The following FBF1 variants were observed in gnomAD, a reference collection of about 807,000 sequenced individuals.
FBF1 encodes the protein Fas binding factor 1.
Under a neutral mutation model 147.2 loss-of-function variants are expected in FBF1, and 119 were observed. That is an observed-to-expected ratio of 0.81 (90% confidence interval 0.70 to 0.94). The LOEUF (loss-of-function observed/expected upper bound fraction) is 0.94, where lower values mean the gene tolerates loss of function less well. Among genes scored for constraint, FBF1 ranks in the 40% least tolerant of loss-of-function variants. The pLI, the probability that FBF1 is intolerant of heterozygous loss-of-function variation, is 0.00. For synonymous variants in FBF1, 601 were observed against 609.0 expected, an observed-to-expected ratio of 0.99 and a Z score of 0.19; for missense variants, 1,449 against 1,500.8, an observed-to-expected ratio of 0.97 and a Z score of 0.57.
intron 25 of FBF1, 45 bp from the exon 26 acceptor site, chr17:75,914,343 C>CAGACTCA: frequency 6.4e-7 from 1 of 1,555,632 alleles, no homozygotes. Context: ...CCAGGAATTG[C>CAGACTCA]GCTGCACTCT....
chr17:75,937,485 A>G (rs2065632147), intron 3 of FBF1, 81 bp downstream of exon 3: 5 of 1,549,604 alleles, frequency 3.2e-6, no homozygotes, highest in Non-Finnish European at 4.5e-6. Context: ...ACATTTAAAT[A>G]AACACATCTC....
At chr17:75,938,974 T>C (rs139120552) in intron 1 of FBF1, among the ~76,000 whole-genome samples, 118 of 151,922 alleles carry the variant, frequency 7.8e-4, no homozygotes, top group Non-Finnish European at 1.3e-3. Context: ...AAAAATTCCT[T>C]ATAGGGGATG....
intron 4 of FBF1, among the ~76,000 whole-genome samples, chr17:75,934,186 A>G (rs1396001099): frequency 6.6e-6 from 1 of 152,264 alleles, no homozygotes; most frequent in Non-Finnish European, 1.5e-5. Flanking sequence ...TATCTACACA[A>G]TGGAACATTA....
chr17:75,912,274 C>A lies in FBF1; in HGVS notation c.3281G>T (p.Cys1094Phe). 2 of 1,608,910 alleles carry A rather than the reference C, an allele frequency of 1.2e-6. No homozygotes were observed. The highest frequency in any genetic ancestry group is 1.7e-6 in the Non-Finnish European group (2 of 1,178,040). Residue 1094 changes from cysteine to phenylalanine, a missense_variant, in exon 29 of 30, where the codon TGC becomes TTC. By Grantham distance (205) the Cys-to-Phe change is radical (BLOSUM62 -2). Coordinates refer to ENST00000636174, the MANE Select transcript of FBF1 (RefSeq NM_001319193.2). ...GTCCAGGCCAGTTGGCGGCTGGCTG[C>A]ACCAACGGGTGGTGGGAGCAGGAGG... is the stretch of plus-strand genomic sequence containing the variant. Reference protein sequence around the residue: ...LMPPAPTTRWCSQPPTGLDPS... With the variant: ...LMPPAPTTRWFSQPPTGLDPS...
intron 29 of FBF1, among the ~76,000 whole-genome samples, chr17:75,911,392 C>T (rs2065455992): frequency 6.6e-6 from 1 of 152,132 alleles, no homozygotes; most frequent in Non-Finnish European, 1.5e-5. Context: ...GCTCTGTCAC[C>T]CAAGCTGAAG....
chr17:75,927,552 AG>A lies in FBF1; in HGVS notation c.398-21del, dbSNP rs1372775305. The stretch of plus-strand genomic sequence containing the variant: ...CACCCCCTGCAGGAAGCAGAAGACA[AG>A]GTCATGGGCCTGAGTCTCTCCTGGC... On this transcript the variant is annotated intron_variant, in intron 8 of 29. Transcript: ENST00000636174. 3 of 1,584,846 alleles carry A rather than the reference AG, an allele frequency of 1.9e-6. No individual in the cohort carries two copies. Among genetic ancestry groups the A allele is most frequent in the Admixed American group, 1.8e-5 (1 of 55,520 alleles).
rs1046193867 is a variant in FBF1 at position 75,921,979 on chromosome 17, G to T, written c.1492C>A (p.Arg498=). 1.3e-6 allele frequency: 2 copies of T among 1,551,514 alleles called. No homozygotes were observed. Among genetic ancestry groups the T allele is most frequent in the Non-Finnish European group, 1.7e-6 (2 of 1,146,978 alleles). The change falls in exon 15 of 30, where the codon CGA becomes AGA. Residue 498 remains arginine (R), a synonymous_variant. Transcript: ENST00000636174. ...CCAGGCCTGACACACGGTCTTTCTC[G>T]TGCAGTTGTTCCAGAACTCCCTCCA... ...AAGGSSGTTA[R]ERPCVRPGVS... is the part of the protein sequence containing the mutation.
chr17:75,932,071 C>T (rs1292601518), intron 5 of FBF1, among the ~76,000 whole-genome samples: 1 of 152,180 alleles, frequency 6.6e-6, no homozygotes, highest in Non-Finnish European at 1.5e-5. Flanking sequence ...TTTAACTTCC[C>T]CAGGCTCCTT....
intron 25 of FBF1, 132 bp from the exon 26 acceptor site, chr17:75,914,430 C>A: frequency 3.7e-6 from 5 of 1,363,154 alleles, no homozygotes; most frequent in Non-Finnish European, 4.9e-6. Context: ...CCAGGGAGAG[C>A]CAGAGAAGCC....
chr17:75,938,549 C>G (rs963866286), intron 1 of FBF1, among the ~76,000 whole-genome samples: 2 of 123,876 alleles, frequency 1.6e-5, no homozygotes, highest in African/African-American at 3.8e-5. Flanking sequence ...GAGTGAGACT[C>G]CATCTCAAAA....
Position 75,922,064 on chromosome 17 carries a change from T to C in FBF1, c.1425-18A>G. 2 of 1,550,294 alleles carry C rather than the reference T, an allele frequency of 1.3e-6. No individual in the cohort carries two copies. Among genetic ancestry groups the C allele is most frequent in the Non-Finnish European group, 1.7e-6 (2 of 1,145,782 alleles). Reference sequence around the variant, plus strand: ...GAGGTTGGCTGAGGAAAGGCAGCGTTCAAGGTGAAGGTGACAGAAGGCCCA... The same window carrying C: ...GAGGTTGGCTGAGGAAAGGCAGCGTCCAAGGTGAAGGTGACAGAAGGCCCA... On this transcript the variant is annotated intron_variant, in intron 14 of 29. Transcript: ENST00000636174. The surrounding 1 kb of genome is among the most constrained non-coding windows in gnomAD (Gnocchi z 5.0).
chr17:75,914,129 A>G lies in FBF1; in HGVS notation c.2984T>C (p.Met995Thr). The change falls in exon 26 of 30, where the codon ATG (methionine) becomes ACG (threonine). Residue 995 changes from methionine to threonine, a missense_variant. By Grantham distance (81) the Met-to-Thr change is moderately conservative. Transcript: ENST00000636174. ...CATGTGCCCGAGCAGCACCTTGCTC[A>G]TGCTCTCCACCTCCTCGGCGCGGAG... Reference protein sequence around the residue: ...VKLRAEEVESMSKVASEKYEE... With the variant: ...VKLRAEEVESTSKVASEKYEE... 1 of 1,601,298 alleles carries G rather than the reference A, an allele frequency of 6.2e-7. No individual in the cohort carries two copies. Among genetic ancestry groups the G allele is most frequent in the Non-Finnish European group, 8.5e-7 (1 of 1,177,038 alleles).
Position 75,922,226 on chromosome 17 carries a change from T to G in FBF1, c.1425-180A>C. The G allele has an allele frequency of 1.4e-5, 8 of 559,208 alleles. No homozygotes were observed. The highest frequency in any genetic ancestry group is 1.9e-5 in the Non-Finnish European group (6 of 311,326). The allele number at this position is 559,208 out of a possible 1,614,324, so 34.6% of individuals were successfully genotyped here. On this transcript the variant is annotated intron_variant, in intron 14 of 29. Transcript: ENST00000636174. This position sits in a 1 kb window ranked among gnomAD's most constrained non-coding sequence, Gnocchi z 5.0. ...AGCTCCTGGGATTTCTGGGCATCTC[T>G]TCCCTTCCAGTACCCCCTTCCTGCC...
At position 75,923,961 on chromosome 17, in the gene FBF1, C is replaced by T. The variant is rs1334691389; in HGVS notation, c.969-320G>A. Among the ~76,000 whole-genome samples the T allele has an allele frequency of 1.3e-5, 2 of 152,058 alleles. No homozygotes were observed. Among genetic ancestry groups the T allele is most frequent in the African/African-American group, 4.8e-5 (2 of 41,406 alleles). ...AGCACGGTGGCTCATGTCTGTAATC[C>T]CAGATCTTTGGGAGGCCAGGGTGGG... On this transcript the variant is annotated intron_variant, in intron 13 of 29. Coordinates refer to ENST00000636174, the MANE Select transcript of FBF1 (RefSeq NM_001319193.2). This position sits in a 1 kb window ranked among gnomAD's most constrained non-coding sequence, Gnocchi z 4.1.
At chr17:75,930,279 A>G (rs2144187111) in intron 6 of FBF1, 1 of 570,686 alleles carries the variant, frequency 1.8e-6, no homozygotes, top group East Asian at 2.8e-5. Context: ...TGCCATTCCT[A>G]CTCCTTCCAA....
intron 2 of FBF1, 132 bp from the exon 3 acceptor site, chr17:75,937,725 G>T (rs986290453): frequency 5.5e-6 from 5 of 915,094 alleles, no homozygotes; most frequent in African/African-American, 4.9e-5. Flanking sequence ...ATTTAGAGAT[G>T]TAAGTCCTTT....
rs774394790 is a variant in FBF1 at position 75,938,136 on chromosome 17, A to T, written c.3+11T>A. The stretch of plus-strand genomic sequence containing the variant: ...TCGCTTTCCATGCATCTTACTCTGA[A>T]CTCTGCCTACCATCTCACGGCTCTC... On this transcript the variant is annotated intron_variant, in intron 2 of 29. Transcript: ENST00000636174. 6.2e-7 allele frequency: 1 copy of T among 1,608,766 alleles called. No individual in the cohort carries two copies. The highest frequency in any genetic ancestry group is 1.1e-5 in the South Asian group (1 of 90,796).
At chr17:75,931,511 T>TGGGG (rs1446962971) in intron 5 of FBF1, among the ~76,000 whole-genome samples, 3 of 152,104 alleles carry the variant, frequency 2.0e-5, no homozygotes, top group African/African-American at 4.8e-5. Flanking sequence ...GGGCTGGGTG[T>TGGGG]GGGGGCTCAT....
intron 3 of FBF1, 75 bp from the exon 4 acceptor site, chr17:75,935,748 T>C: frequency 7.1e-7 from 1 of 1,411,964 alleles, no homozygotes; most frequent in Non-Finnish European, 9.6e-7. Flanking sequence ...GGCTTGAGAC[T>C]CGCCAGAAGG....
Sources: allele counts gnomAD v4.1 joint callset (sites outside exome capture counted in the v4.1 genomes callset), GRCh38; gene constraint gnomAD v4.1.1; non-coding constraint Gnocchi (gnomAD v3.1); transcripts MANE v1.5; gene names NCBI Gene and HGNC (gene_info 2026-07-23, HGNC 2026-07-21).